The following ELMO1 variants were observed in gnomAD, a reference collection of about 807,000 sequenced individuals.
The protein encoded by ELMO1 is engulfment and cell motility 1.
ELMO1 carries 26 observed loss-of-function variants against 98.9 expected under a neutral mutation model. The ratio of observed to expected loss-of-function variants is 0.26; its 90% confidence interval spans 0.19 to 0.36. ELMO1 has a LOEUF of 0.36. Ranked by LOEUF, ELMO1 falls within the 10% of genes least tolerant of loss-of-function variation. The probability of loss-of-function intolerance (pLI) is 1.00; values close to 1 mark genes in which losing one functional copy is unlikely to be tolerated. For missense variants in ELMO1, 627 were observed against 935.2 expected (o/e 0.67, Z 4.30); for synonymous variants, 346 against 346.0 (o/e 1.00, Z 0.00).
At position 37,143,789 on chromosome 7, in the gene ELMO1, C is replaced by T. The variant is rs529481662; in HGVS notation, c.1087-10555G>A. ...GCAGTGGCATGATCTCGGCTCACTG[C>T]AGCCTCTGCCCCCTGGGTTCTAGCA... On this transcript the variant is annotated intron_variant, in intron 13 of 21. Transcript: ENST00000310758. Among the ~76,000 whole-genome samples, 10 of 146,120 alleles carry T rather than the reference C, an allele frequency of 6.8e-5. No individual in the cohort carries two copies. In the South Asian group the frequency reaches 2.3e-3, roughly 34 times the overall value.
intron 5 of ELMO1, among the ~76,000 whole-genome samples, chr7:37,262,784 C>T (rs1796039859): frequency 6.6e-6 from 1 of 152,184 alleles, no homozygotes; most frequent in Admixed American, 6.5e-5. Flanking sequence ...CAAGGCAGGG[C>T]TACTTACATC....
At chr7:37,087,176 T>A (rs1783834887) in intron 15 of ELMO1, among the ~76,000 whole-genome samples, 1 of 152,210 alleles carries the variant, frequency 6.6e-6, no homozygotes, top group South Asian at 2.1e-4. Context: ...TTATTCACTA[T>A]CTAGCTACTC....
chr7:37,041,493 GT>G (rs1276537089), intron 15 of ELMO1, among the ~76,000 whole-genome samples: 1 of 152,176 alleles, frequency 6.6e-6, no homozygotes, highest in Non-Finnish European at 1.5e-5. Flanking sequence ...AGGAGTGAGT[GT>G]TTTTGTATTT....
At chr7:37,012,051 C>G (rs966479036) in intron 16 of ELMO1, among the ~76,000 whole-genome samples, 2 of 152,180 alleles carry the variant, frequency 1.3e-5, no homozygotes, top group African/African-American at 4.8e-5. Context: ...GACCAGTGCT[C>G]TCCACAGAAG....
At chr7:37,411,387 T>C (rs547451176) in intron 1 of ELMO1, among the ~76,000 whole-genome samples, 33 of 152,314 alleles carry the variant, frequency 2.2e-4, no homozygotes, top group Non-Finnish European at 2.6e-4. Flanking sequence ...GTGGGTACAA[T>C]AAATTGTAGC....
Position 37,259,337 on chromosome 7 carries a change from T to A in ELMO1, c.257A>T (p.Gln86Leu), listed in dbSNP as rs973841368. ...RLTTSPAQNA[Q>L]QLHERIQSSS... ...GGACTGGATTCGTTCATGGAGCTGC[T>A]GGGCGTTCTGAGCCTTATGGGGCAA... Residue 86 changes from glutamine (Q) to leucine (L), a missense_variant, in exon 6 of 22, where the codon CAG becomes CTG. Transcript: ENST00000310758. 1 of 1,614,032 alleles carries A rather than the reference T, an allele frequency of 6.2e-7. No individual in the cohort carries two copies. Among genetic ancestry groups the A allele is most frequent in the Non-Finnish European group, 8.5e-7 (1 of 1,179,916 alleles).
chr7:36,963,771 C>G (rs1302753465), intron 16 of ELMO1, among the ~76,000 whole-genome samples: 2 of 152,178 alleles, frequency 1.3e-5, no homozygotes, highest in East Asian at 1.9e-4. Context: ...GTCCCAGACT[C>G]CTGAGAGAGT....
chr7:37,181,450 T>C (rs10452809), intron 13 of ELMO1, among the ~76,000 whole-genome samples: 5,847 of 152,236 alleles, frequency 0.038, 136 homozygotes, highest in Non-Finnish European at 0.059. Flanking sequence ...CTGTCTTGTA[T>C]TTGCAGATTG....
intron 1 of ELMO1, among the ~76,000 whole-genome samples, chr7:37,358,632 A>G (rs1395484315): frequency 1.3e-5 from 2 of 152,164 alleles, no homozygotes; most frequent in East Asian, 3.8e-4. Flanking sequence ...ACACCTAAAA[A>G]ATCTTACTTT....
intron 6 of ELMO1, among the ~76,000 whole-genome samples, chr7:37,255,593 T>C (rs750351349): frequency 6.6e-6 from 1 of 152,162 alleles, no homozygotes; most frequent in Non-Finnish European, 1.5e-5. Flanking sequence ...AGAATGCAGA[T>C]CACATGCGCC....
intron 4 of ELMO1, among the ~76,000 whole-genome samples, chr7:37,298,178 A>G (rs924363768): frequency 4.6e-5 from 7 of 152,128 alleles, no homozygotes; most frequent in Non-Finnish European, 1.5e-5. Context: ...GCATCTAAAA[A>G]TCTAAACCTA....
intron 1 of ELMO1, among the ~76,000 whole-genome samples, chr7:37,422,656 C>A (rs1804522105): frequency 6.6e-6 from 1 of 152,094 alleles, no homozygotes; most frequent in Non-Finnish European, 1.5e-5. Flanking sequence ...CACTTGCCTT[C>A]CTATTTAGAA....
chr7:37,165,917 A>G (rs1218549610), intron 13 of ELMO1, among the ~76,000 whole-genome samples: 5 of 152,172 alleles, frequency 3.3e-5, no homozygotes, highest in African/African-American at 9.7e-5. Context: ...GAATGGTACC[A>G]GTTCCTCCTT....
intron 1 of ELMO1, among the ~76,000 whole-genome samples, chr7:37,420,947 C>T (rs1033674195): frequency 6.6e-6 from 1 of 152,210 alleles, no homozygotes; most frequent in Non-Finnish European, 1.5e-5. Context: ...CTGATTTACA[C>T]CAAGTCTACA....
intron 2 of ELMO1, among the ~76,000 whole-genome samples, chr7:37,320,199 T>C (rs944008456): frequency 6.6e-6 from 1 of 151,610 alleles, no homozygotes; most frequent in Non-Finnish European, 1.5e-5. Context: ...ATTACTTGAA[T>C]CCAGGAGGTG....
chr7:36,995,665 T>G (rs1434618475), intron 16 of ELMO1, among the ~76,000 whole-genome samples: 1 of 152,146 alleles, frequency 6.6e-6, no homozygotes, highest in African/African-American at 2.4e-5. Flanking sequence ...TAAAAAAAAT[T>G]TTAACAGATA....
chr7:36,986,991 C>T (rs1200769466), intron 16 of ELMO1, among the ~76,000 whole-genome samples: 2 of 152,136 alleles, frequency 1.3e-5, no homozygotes, highest in African/African-American at 2.4e-5. Flanking sequence ...CTGAGAGCTC[C>T]GCAAATAAAA....
At chr7:36,970,869 A>G (rs1389035448) in intron 16 of ELMO1, among the ~76,000 whole-genome samples, 1 of 152,244 alleles carries the variant, frequency 6.6e-6, no homozygotes, top group African/African-American at 2.4e-5. Flanking sequence ...TCAGAAGAAC[A>G]TCGACGCACA....
At chr7:36,877,442 G>A (rs1804071275) in intron 19 of ELMO1, among the ~76,000 whole-genome samples, 1 of 152,144 alleles carries the variant, frequency 6.6e-6, no homozygotes, top group Non-Finnish European at 1.5e-5. Flanking sequence ...TCAAAAGCAT[G>A]TATGTTAAAA....
Sources: gnomAD v4.1 joint callset for allele counts (sites outside exome capture counted in the v4.1 genomes callset) on GRCh38, gnomAD v4.1.1 for gene constraint, MANE v1.5 for transcripts, NCBI Gene and HGNC (gene_info 2026-07-23, HGNC 2026-07-21) for gene names.